CDH23: variants seen among roughly 807,000 people sequenced by gnomAD.
CDH23 encodes cadherin-23.
A neutral mutation model predicts 317.1 loss-of-function variants in CDH23; 189 were observed. The observed-to-expected ratio is 0.60, with a 90% confidence interval of 0.53 to 0.67. The LOEUF (loss-of-function observed/expected upper bound fraction) is 0.67, where lower values mean the gene tolerates loss of function less well. Among genes scored for constraint, CDH23 ranks in the 30% least tolerant of loss-of-function variants. The pLI is 0.00. For synonymous variants in CDH23, 1,839 were observed against 1,876.8 expected (o/e 0.98, Z 0.52); for missense variants, 4,401 against 4,592.4 (o/e 0.96, Z 1.20).
chr10:71,410,007 G>C (rs1848278179), intron 1 of CDH23, among the ~76,000 whole-genome samples: 1 of 152,152 alleles, frequency 6.6e-6, no homozygotes, highest in East Asian at 1.9e-4. Flanking sequence ...TCTGGCTCTG[G>C]AGCCAGACCA....
chr10:71,614,083 G>A (rs1467494423), intron 9 of CDH23, among the ~76,000 whole-genome samples: 1 of 152,268 alleles, frequency 6.6e-6, no homozygotes, highest in African/African-American at 2.4e-5. Context: ...CACACAGCCA[G>A]TCAGTGGTCC....
Position 71,510,195 on chromosome 10 carries a change from G to A in CDH23, c.259G>A (p.Val87Met). Residue 87 changes from valine to methionine, a missense_variant, in exon 4 of 70, where the codon GTG becomes ATG. Physicochemically the swap from Val to Met is conservative, Grantham distance 21. Coordinates refer to ENST00000224721, the MANE Select transcript of CDH23 (RefSeq NM_022124.6). ...FFAVEPDTGV[V>M]WLRQPLDRET... Reference sequence around the variant, plus strand: ...TGCAGTGGAGCCTGACACTGGCGTGGTGTGGCTCCGGCAGCCACTGGACAG... The same window carrying A: ...TGCAGTGGAGCCTGACACTGGCGTGATGTGGCTCCGGCAGCCACTGGACAG... The A allele has an allele frequency of 6.2e-7, 1 of 1,613,902 alleles. No homozygotes were observed. The highest frequency in any genetic ancestry group is 8.5e-7 in the Non-Finnish European group (1 of 1,179,868).
intron 20 of CDH23, 106 bp from the exon 21 acceptor site, chr10:71,694,041 C>T (rs774196572): frequency 2.4e-4 from 211 of 879,778 alleles, no homozygotes; most frequent in Middle Eastern, 2.1e-3. Context: ...TAACATTTCT[C>T]GTGCAAGTTC....
rs141552278 is a variant in CDH23 at position 71,463,474 on chromosome 10, G to A, written c.145+17079G>A. On this transcript the variant is annotated intron_variant, in intron 3 of 69. Transcript: ENST00000224721. ...TGAACAATGGGTTGAGGGCCACCCC[G>A]CATCCCCTGCCATTCTTCCTGCTCC... 6.2e-4 allele frequency among the ~76,000 whole-genome samples: 94 copies of A among 152,258 alleles called. No individual in the cohort carries two copies. The East Asian group carries it at 0.016, about 26-fold the overall frequency.
chr10:71,784,926 C>A lies in CDH23; in HGVS notation c.5538C>A (p.Asp1846Glu). 6.2e-7 allele frequency: 1 copy of A among 1,614,066 alleles called. No individual in the cohort carries two copies. The highest frequency in any genetic ancestry group is 8.5e-7 in the Non-Finnish European group (1 of 1,179,920). Residue 1846 changes from aspartate to glutamate, a missense_variant, in exon 43 of 70, where the codon GAC becomes GAA. Around this residue, in one of 3 missense-constraint regions of CDH23, gnomAD observed 3,068 missense variants for 3,203.3 expected, o/e 0.96. Coordinates refer to ENST00000224721, the MANE Select transcript of CDH23 (RefSeq NM_022124.6). ...LVGIRVLDIN[D>E]NDPVLLNLPM... The stretch of plus-strand genomic sequence containing the variant: ...GGATCCGGGTGCTGGACATCAACGA[C>A]AACGACCCTGTGCTGCTGAACCTGC...
intron 38 of CDH23, chr10:71,747,620 C>T (rs547283011): frequency 1.3e-5 from 2 of 152,346 alleles, no homozygotes; most frequent in South Asian, 4.1e-4. Flanking sequence ...CCTCTATTGC[C>T]CTCTGTGTTA....
intron 6 of CDH23, among the ~76,000 whole-genome samples, chr10:71,533,073 G>C (rs1316569585): frequency 2.6e-5 from 4 of 152,150 alleles, no homozygotes; most frequent in Non-Finnish European, 5.9e-5. Context: ...GCTGTATCTG[G>C]CACTGTGGGT....
At chr10:71,582,698 C>T (rs1374570251) in intron 9 of CDH23, among the ~76,000 whole-genome samples, 2 of 152,212 alleles carry the variant, frequency 1.3e-5, no homozygotes, top group African/African-American at 2.4e-5. Flanking sequence ...CTCAGAAGAG[C>T]ACCTGATCTC....
chr10:71,751,160 G>T lies in CDH23; in HGVS notation c.4845+9239G>T. On this transcript the variant is annotated intron_variant, in intron 38 of 69. Coordinates refer to ENST00000224721, the MANE Select transcript of CDH23 (RefSeq NM_022124.6). This position sits in a 1 kb window ranked among gnomAD's most constrained non-coding sequence, Gnocchi z 4.9. ...CCAGAGCAGGAGGGAGGGAACCAGG[G>T]CCGAGGCCAAGGAGGCCACTCACAG... 1 of 1,434,884 alleles carries T rather than the reference G, an allele frequency of 7.0e-7. No individual in the cohort carries two copies. Among genetic ancestry groups the T allele is most frequent in the South Asian group, 1.3e-5 (1 of 78,576 alleles). 88.9% of individuals were successfully genotyped at this position (1,434,884 alleles called of 1,614,324 possible).
chr10:71,627,044 C>T (rs1564696057), intron 11 of CDH23, among the ~76,000 whole-genome samples: 1 of 151,984 alleles, frequency 6.6e-6, no homozygotes, highest in Non-Finnish European at 1.5e-5. Flanking sequence ...ACTCTGACCT[C>T]GCAGCAAGGG....
At chr10:71,525,415 T>C (rs1373293205) in intron 6 of CDH23, among the ~76,000 whole-genome samples, 1 of 152,218 alleles carries the variant, frequency 6.6e-6, no homozygotes. Flanking sequence ...TCTACCTGCC[T>C]TGCTTCTCTG....
chr10:71,411,612 C>A (rs1848346776), intron 1 of CDH23, among the ~76,000 whole-genome samples: 1 of 151,976 alleles, frequency 6.6e-6, no homozygotes, highest in Non-Finnish European at 1.5e-5. Flanking sequence ...TGCTTTATTG[C>A]AATGGCAAGG....
At chr10:71,541,461 G>GGGCA in intron 6 of CDH23, among the ~76,000 whole-genome samples, 1 of 152,366 alleles carries the variant, frequency 6.6e-6, no homozygotes, top group Admixed American at 6.5e-5. Context: ...CTGGGCTAGA[G>GGGCA]GGCAGGTCCC....
Position 71,496,133 on chromosome 10 carries a change from C to T in CDH23, c.146-13949C>T, listed in dbSNP as rs796961439. 1.5e-4 allele frequency among the ~76,000 whole-genome samples: 23 copies of T among 152,318 alleles called. 1 individual carries two copies. The highest frequency in any genetic ancestry group is 4.8e-4 in the African/African-American group (20 of 41,574). ...TTTGAGGATTTATATCAGAATACTG[C>T]TGTCTGGGTCCTGCACTAGACCAAT... On this transcript the variant is annotated intron_variant, in intron 3 of 69. Transcript: ENST00000224721.
At chr10:71,457,504 G>A (rs1167693022) in intron 3 of CDH23, among the ~76,000 whole-genome samples, 1 of 152,168 alleles carries the variant, frequency 6.6e-6, no homozygotes, top group East Asian at 1.9e-4. Context: ...CCAGGATTGT[G>A]TAGGGTCTTT....
In CDH23 at chr10:71,510,171, G is replaced by C. The variant is rs760730554; in HGVS notation, c.235G>C (p.Ala79Pro). 1.9e-6 allele frequency: 3 copies of C among 1,613,838 alleles called. No homozygotes were observed. The African/African-American group carries it at 4.0e-5, about 22-fold the overall frequency. Residue 79 changes from alanine (A) to proline (P), a missense_variant, in exon 4 of 70, where the codon GCA (alanine) becomes CCA (proline). Physicochemically the swap from Ala to Pro is conservative, Grantham distance 27. Transcript: ENST00000224721. Reference protein sequence around the residue: ...VSGEEASRFFAVEPDTGVVWL... With the variant: ...VSGEEASRFFPVEPDTGVVWL... ...TGGGGAGGAGGCCTCTCGCTTCTTTGCAGTGGAGCCTGACACTGGCGTGGT... is the reference window on the plus strand; with the variant it reads ...TGGGGAGGAGGCCTCTCGCTTCTTTCCAGTGGAGCCTGACACTGGCGTGGT...
chr10:71,798,454 C>A lies in CDH23; in HGVS notation c.6930C>A (p.Thr2310=), dbSNP rs2132965679. Residue 2310 remains threonine, a synonymous_variant, in exon 50 of 70, where the codon ACC becomes ACA. Coordinates refer to ENST00000224721, the MANE Select transcript of CDH23 (RefSeq NM_022124.6). ...YYMERILEGA[T]PGTTLIAVAA... ...TGGAGCGGATCCTGGAGGGGGCCAC[C>A]CCTGGGACCACACTCATTGCTGTGG... is the stretch of plus-strand genomic sequence containing the variant. 1.9e-6 allele frequency: 3 copies of A among 1,613,986 alleles called. No individual in the cohort carries two copies. Among genetic ancestry groups the A allele is most frequent in the Non-Finnish European group, 2.5e-6 (3 of 1,179,854 alleles).
At chr10:71,578,343 A>G (rs1858372450) in intron 9 of CDH23, among the ~76,000 whole-genome samples, 1 of 152,180 alleles carries the variant, frequency 6.6e-6, no homozygotes, top group Admixed American at 6.5e-5. Flanking sequence ...AACCTCCTGC[A>G]GCGCTCTGGG....
At chr10:71,654,195 C>T (rs1863312386) in intron 14 of CDH23, among the ~76,000 whole-genome samples, 1 of 152,112 alleles carries the variant, frequency 6.6e-6, no homozygotes, top group Admixed American at 6.5e-5. Context: ...GACATGGACT[C>T]GGAAGGGCCC....
Sources: gnomAD v4.1 joint callset for allele counts (sites outside exome capture counted in the v4.1 genomes callset) on GRCh38, gnomAD v4.1.1 for gene constraint, gnomAD v4.1.1 regional missense constraint, Gnocchi (gnomAD v3.1) non-coding constraint, MANE v1.5 for transcripts, NCBI Gene and HGNC (gene_info 2026-07-23, HGNC 2026-07-21) for gene names.